CC2D1A: variants seen among roughly 807,000 people sequenced by gnomAD.
CC2D1A encodes coiled-coil and C2 domain containing 1A, also known as coiled-coil and C2 domain-containing protein 1A.
Under a neutral mutation model 123.8 loss-of-function variants are expected in CC2D1A, and 68 were observed. That is an observed-to-expected ratio of 0.55 (90% CI 0.45 to 0.67). The LOEUF (loss-of-function observed/expected upper bound fraction) is 0.67, where lower values mean the gene tolerates loss of function less well. CC2D1A is among the 30% of genes least tolerant of loss of function. CC2D1A has a pLI of 0.00. For synonymous variants in CC2D1A, 477 were observed against 528.0 expected, an observed-to-expected ratio of 0.90 and a Z score of 1.32; for missense variants, 1,185 against 1,290.3, an observed-to-expected ratio of 0.92 and a Z score of 1.25.
chr19:13,925,535 G>T (rs974092584), intron 17 of CC2D1A, among the ~76,000 whole-genome samples: 1 of 151,680 alleles, frequency 6.6e-6, no homozygotes, highest in Admixed American at 6.6e-5. Context: ...AGCAGAGATC[G>T]CACTGCACTC....
rs564008874 is a variant in CC2D1A at position 13,913,626 on chromosome 19, C to T, written c.736C>T (p.Gln246Ter). 2.5e-6 allele frequency: 4 copies of T among 1,605,294 alleles called. No individual in the cohort carries two copies. The East Asian group carries it at 6.7e-5, about 27-fold the overall frequency. ...CTCATCTCCAGGCTTGGCTAAGCCCCAGATGCCCCCAGGTAGGTGATGGGC... is the reference window on the plus strand; with the variant it reads ...CTCATCTCCAGGCTTGGCTAAGCCCTAGATGCCCCCAGGTAGGTGATGGGC... ...PASSPGLAKP[Q>*]MPPGPCSPGP... The change falls in exon 6 of 29, where the codon CAG becomes TAG. Residue 246 changes from glutamine (Q) to a stop codon, truncating the protein, a stop_gained. Coordinates refer to ENST00000318003, the MANE Select transcript of CC2D1A (RefSeq NM_017721.5). LOFTEE classifies it high-confidence loss of function.
intron 2 of CC2D1A, among the ~76,000 whole-genome samples, chr19:13,910,494 T>A (rs1351618499): frequency 1.3e-5 from 2 of 151,872 alleles, no homozygotes; most frequent in African/African-American, 4.8e-5. Flanking sequence ...GTTATGTGAC[T>A]TGATGAGTCA....
rs748630196 is a variant in CC2D1A, at chr19:13,927,284, TC to T, written c.2316+21del. ...CCTTGAGGTGAGAGGTGGACATTCATCCGCGTGCTCCGGTATGGCCATGCTA... is the reference window on the plus strand; with the variant it reads ...CCTTGAGGTGAGAGGTGGACATTCATCGCGTGCTCCGGTATGGCCATGCTA... On this transcript the variant is annotated intron_variant, in intron 22 of 28. Coordinates refer to ENST00000318003, the MANE Select transcript of CC2D1A (RefSeq NM_017721.5). 1.0e-4 allele frequency: 160 copies of T among 1,586,968 alleles called. No individual in the cohort carries two copies. The highest frequency in any genetic ancestry group is 1.3e-4 in the Non-Finnish European group (151 of 1,155,426).
At chr19:13,907,938 T>C (rs1339736483) in intron 1 of CC2D1A, among the ~76,000 whole-genome samples, 4 of 152,210 alleles carry the variant, frequency 2.6e-5, no homozygotes, top group African/African-American at 9.6e-5. Context: ...CACATCATGA[T>C]TGGTCATTAG....
intron 14 of CC2D1A, among the ~76,000 whole-genome samples, chr19:13,922,735 G>A (rs942411777): frequency 6.6e-6 from 1 of 151,980 alleles, no homozygotes; most frequent in African/African-American, 2.4e-5. Context: ...CACAGTAGGG[G>A]CTCCATACAT....
chr19:13,920,226 G>T, intron 12 of CC2D1A: 1 of 516,052 alleles, frequency 1.9e-6, no homozygotes, highest in South Asian at 2.6e-5. Context: ...ACGCCAGTCT[G>T]GGTGACAGAG....
At chr19:13,925,973 T>C (rs1270482867) in intron 17 of CC2D1A, among the ~76,000 whole-genome samples, 7 of 131,242 alleles carry the variant, frequency 5.3e-5, no homozygotes, top group African/African-American at 1.4e-4. Flanking sequence ...CGTATATATA[T>C]GTGTATATAT....
At chr19:13,928,613 G>A (rs754127125) in intron 24 of CC2D1A, among the ~76,000 whole-genome samples, 1 of 151,656 alleles carries the variant, frequency 6.6e-6, no homozygotes, top group Non-Finnish European at 1.5e-5. Context: ...AGTTTCCTGG[G>A]TGTGCAGCCA....
At chr19:13,913,027 A>G (rs1346695316) in intron 4 of CC2D1A, 141 bp from the exon 5 acceptor site, 1 of 850,838 alleles carries the variant, frequency 1.2e-6, no homozygotes, top group Non-Finnish European at 1.8e-6. Context: ...CCACTGGGAA[A>G]TGGGGACCAT....
At chr19:13,925,097 C>A (rs1295925965) in intron 17 of CC2D1A, among the ~76,000 whole-genome samples, 1 of 152,192 alleles carries the variant, frequency 6.6e-6, no homozygotes, top group Non-Finnish European at 1.5e-5. Context: ...GAGGCCCTCC[C>A]TATCTATCCG....
Position 13,926,550 on chromosome 19 carries a change from C to T in CC2D1A, c.1974C>T (p.Leu658=), listed in dbSNP as rs147905122. Residue 658 remains leucine, a synonymous_variant, in exon 18 of 29, where the codon CTC becomes CTT. Transcript: ENST00000318003. ...CTGACCTCAGCAGCAACGACATGCT[C>T]CTCTTCATCGTGAAGGGCATCAACT... ...IFPDLSSNDM[L]LFIVKGINLP... The T allele has an allele frequency of 9.0e-4, 1,460 of 1,614,160 alleles. 9 individuals carry two copies. The African/African-American group carries it at 0.017, about 18-fold the overall frequency.
In CC2D1A at chr19:13,923,312, C is replaced by T; in HGVS notation, c.1642-21C>T. The T allele has an allele frequency of 6.3e-7, 1 of 1,594,674 alleles. No individual in the cohort carries two copies. The highest frequency in any genetic ancestry group is 8.5e-7 in the Non-Finnish European group (1 of 1,175,688). ...GCCTGCTTGTCCTCCTTACCCCCGC[C>T]ACCAGCCTCGTCCTCCCCAGGTGCC... On this transcript the variant is annotated intron_variant, in intron 14 of 28. Coordinates refer to ENST00000318003, the MANE Select transcript of CC2D1A (RefSeq NM_017721.5). The surrounding 1 kb of genome is among the most constrained non-coding windows in gnomAD (Gnocchi z 5.3).
Position 13,909,745 on chromosome 19 carries a change from G to A in CC2D1A, c.61-78G>A, listed in dbSNP as rs769484011. Reference sequence around the variant, plus strand: ...GAGACCTTGTTTCCTTCCTCCCAAGGGGACTCTCTGGCCATCATGGCTGCC... The same window carrying A: ...GAGACCTTGTTTCCTTCCTCCCAAGAGGACTCTCTGGCCATCATGGCTGCC... On this transcript the variant is annotated intron_variant, in intron 1 of 28. Transcript: ENST00000318003. 9 of 1,582,970 alleles carry A rather than the reference G, an allele frequency of 5.7e-6. No individual in the cohort carries two copies. The South Asian group carries it at 7.8e-5, about 14-fold the overall frequency.
chr19:13,926,599 G>A lies in CC2D1A; in HGVS notation c.2014+9G>A. On this transcript the variant is annotated intron_variant, in intron 18 of 28. Transcript: ENST00000318003. ...CTTGCCCACACCCCCAGGTGAGGGG[G>A]CTGTAGGCAAGGGTCAGGGTCATGG... is the stretch of plus-strand genomic sequence containing the variant. The A allele has an allele frequency of 6.2e-7, 1 of 1,614,178 alleles. No individual in the cohort carries two copies. Among genetic ancestry groups the A allele is most frequent in the Non-Finnish European group, 8.5e-7 (1 of 1,180,018 alleles).
intron 17 of CC2D1A, among the ~76,000 whole-genome samples, chr19:13,925,709 C>T (rs1470699975): frequency 1.3e-5 from 2 of 151,478 alleles, no homozygotes; most frequent in East Asian, 1.9e-4. Context: ...CATTTGAGGT[C>T]GGGAGTTCGA....
At position 13,913,247 on chromosome 19, in the gene CC2D1A, G is replaced by C; in HGVS notation, c.458G>C (p.Ser153Thr). ...RLALYQTAIESARQAGDSAKM... is the reference protein window; with the variant it reads ...RLALYQTAIETARQAGDSAKM... ...GCGCTCTATCAGACAGCAATTGAAA[G>C]CGCCAGACAAGCTGGAGACAGCGCC... The change falls in exon 5 of 29, where the codon AGC becomes ACC. Residue 153 changes from serine (S) to threonine (T), a missense_variant. Coordinates refer to ENST00000318003, the MANE Select transcript of CC2D1A (RefSeq NM_017721.5). 1 of 1,613,738 alleles carries C rather than the reference G, an allele frequency of 6.2e-7. No homozygotes were observed. The highest frequency in any genetic ancestry group is 8.5e-7 in the Non-Finnish European group (1 of 1,179,918).
In CC2D1A at chr19:13,927,199, G is replaced by A. The variant is rs1971674590; in HGVS notation, c.2250G>A (p.Val750=). The change falls in exon 22 of 29, where the codon GTG becomes GTA. Residue 750 remains valine (V), a synonymous_variant. Coordinates refer to ENST00000318003, the MANE Select transcript of CC2D1A (RefSeq NM_017721.5). ...GGGGGCTGTTCAAGACTGACCGGGT[G>A]CTGGGGACAGCCCAGCTGAAGCTGG... ...HKGGLFKTDR[V]LGTAQLKLDA... The A allele has an allele frequency of 6.2e-7, 1 of 1,614,136 alleles. No individual in the cohort carries two copies. The highest frequency in any genetic ancestry group is 8.5e-7 in the Non-Finnish European group (1 of 1,180,028).
In CC2D1A at chr19:13,921,049, G is replaced by C. The variant is rs143912129; in HGVS notation, c.1641+127G>C. The stretch of plus-strand genomic sequence containing the variant: ...TGCTGTAACAAATAGGTCCTCCCAA[G>C]ACAATGGCTGAAAGGAGACAGACAT... On this transcript the variant is annotated intron_variant, in intron 14 of 28. Coordinates refer to ENST00000318003, the MANE Select transcript of CC2D1A (RefSeq NM_017721.5). 2.5e-4 allele frequency: 221 copies of C among 869,506 alleles called. 1 individual carries two copies. In the East Asian group the frequency reaches 6.1e-3, roughly 24 times the overall value. The allele number at this position is 869,506 out of a possible 1,614,324, so 53.9% of individuals were successfully genotyped here. A position where few individuals can be genotyped will look rare whatever the true frequency, so the allele number is the denominator to read the frequency against.
At chr19:13,925,933 A>AAAAAATAT (rs1315518981) in intron 17 of CC2D1A, among the ~76,000 whole-genome samples, 19 of 91,040 alleles carry the variant, frequency 2.1e-4, no homozygotes, top group African/African-American at 1.0e-3. Context: ...AAAAAAAAAA[A>AAAAAATAT]ATATATATAT....
Sources: gnomAD v4.1 joint callset for allele counts (sites outside exome capture counted in the v4.1 genomes callset) on GRCh38, gnomAD v4.1.1 for gene constraint, Gnocchi (gnomAD v3.1) non-coding constraint, MANE v1.5 for transcripts, NCBI Gene and HGNC (gene_info 2026-07-23, HGNC 2026-07-21) for gene names.